The following LIMS1 variants were observed in gnomAD, a reference collection of about 807,000 sequenced individuals.
LIMS1 encodes the protein LIM zinc finger domain containing 1.
Under a neutral mutation model 44.1 loss-of-function variants are expected in LIMS1, and 18 were observed. The ratio of observed to expected loss-of-function variants is 0.41; its 90% CI spans 0.28 to 0.61. LIMS1 has a LOEUF of 0.61. Among genes scored for constraint, LIMS1 ranks in the 20% least tolerant of loss-of-function variants. LIMS1 has a pLI of 0.32. For synonymous variants in LIMS1, 93 were observed against 149.1 expected (o/e 0.62, Z 2.74); for missense variants, 201 against 422.0 (o/e 0.48, Z 4.59).
rs1035191264 is a variant in LIMS1, at chr2:108,591,414, C to T, written c.32+56820C>T. Reference sequence around the variant, plus strand: ...TGATAGTTTCTTGATGTCAGTAGTTCCGCAAGTTCCCAGAAAAAAGAGGAA... The same window carrying T: ...TGATAGTTTCTTGATGTCAGTAGTTTCGCAAGTTCCCAGAAAAAAGAGGAA... On this transcript the variant is annotated intron_variant, in intron 1 of 9. Coordinates refer to ENST00000544547, the Ensembl canonical transcript of LIMS1. 3.9e-5 allele frequency among the ~76,000 whole-genome samples: 6 copies of T among 152,026 alleles called. No individual in the cohort carries two copies. In the East Asian group the frequency reaches 9.6e-4, roughly 24 times the overall value.
intron 2 of LIMS1, among the ~76,000 whole-genome samples, chr2:108,663,739 T>G (rs1251584774): frequency 1.3e-5 from 2 of 152,056 alleles, no homozygotes; most frequent in Non-Finnish European, 2.9e-5. Flanking sequence ...AGACCCATTT[T>G]TTTAATTTTT....
intron 1 of LIMS1, among the ~76,000 whole-genome samples, chr2:108,557,932 A>G (rs746860304): frequency 1.3e-5 from 2 of 152,248 alleles, no homozygotes; most frequent in Non-Finnish European, 2.9e-5. Flanking sequence ...AATAAGTACA[A>G]TGTTATCTCT....
chr2:108,650,132 T>G (rs1024741525), intron 1 of LIMS1, among the ~76,000 whole-genome samples: 1 of 152,204 alleles, frequency 6.6e-6, no homozygotes, highest in Non-Finnish European at 1.5e-5. Flanking sequence ...CCTACTTCAA[T>G]GGCTATTCTG....
At chr2:108,575,958 A>G (rs1478020885) in intron 1 of LIMS1, among the ~76,000 whole-genome samples, 1 of 152,206 alleles carries the variant, frequency 6.6e-6, no homozygotes, top group Non-Finnish European at 1.5e-5. Context: ...GCACCTGATC[A>G]GGAAGCAGGC....
At chr2:108,563,611 C>T (rs1447034167) in intron 1 of LIMS1, among the ~76,000 whole-genome samples, 1 of 152,170 alleles carries the variant, frequency 6.6e-6, no homozygotes, top group Non-Finnish European at 1.5e-5. Flanking sequence ...TGAGGGGTTG[C>T]TTCTTATGGA....
intron 1 of LIMS1, among the ~76,000 whole-genome samples, chr2:108,630,285 G>A (rs1015503451): frequency 6.6e-6 from 1 of 151,820 alleles, no homozygotes; most frequent in Non-Finnish European, 1.5e-5. Context: ...TGAAATTCAG[G>A]CATCCCTGTA....
intron 2 of LIMS1, among the ~76,000 whole-genome samples, chr2:108,667,929 A>G (rs1222181187): frequency 2.0e-5 from 3 of 152,146 alleles, no homozygotes; most frequent in East Asian, 3.9e-4. Context: ...TTAAATTTGT[A>G]TTATTTTTAT....
At chr2:108,621,561 T>C (rs143129015) in intron 1 of LIMS1, 17 of 827,974 alleles carry the variant, frequency 2.1e-5, no homozygotes, top group Admixed American at 4.1e-5. Context: ...GAAGTACTCA[T>C]TGAAAAGTAG....
chr2:108,571,259 C>T (rs888972100), intron 1 of LIMS1, among the ~76,000 whole-genome samples: 4 of 152,092 alleles, frequency 2.6e-5, no homozygotes, highest in Admixed American at 1.3e-4. Context: ...TTGAGGTTAT[C>T]TGGAGGGAGA....
chr2:108,641,915 C>A (rs76292925), intron 1 of LIMS1, among the ~76,000 whole-genome samples: 3,820 of 152,272 alleles, frequency 0.025, 102 homozygotes, highest in African/African-American at 0.064. Flanking sequence ...ATTATCTTTA[C>A]TTGCATGTCA....
At chr2:108,673,737 T>C (rs1233741536) in intron 5 of LIMS1, 1 of 152,192 alleles carries the variant, frequency 6.6e-6, no homozygotes, top group Non-Finnish European at 1.5e-5. Flanking sequence ...AATAATCTTA[T>C]AATATCAACT....
At chr2:108,674,614 G>A (rs1049390709) in intron 5 of LIMS1, among the ~76,000 whole-genome samples, 9 of 147,836 alleles carry the variant, frequency 6.1e-5, no homozygotes, top group African/African-American at 1.0e-4. Flanking sequence ...CCAGCTACTC[G>A]GGAGGCTGAG....
intron 1 of LIMS1, among the ~76,000 whole-genome samples, chr2:108,604,991 A>C (rs780808917): frequency 6.6e-6 from 1 of 152,166 alleles, no homozygotes; most frequent in Non-Finnish European, 1.5e-5. Flanking sequence ...CTCCCTCTTG[A>C]GAATCTGGAA....
At chr2:108,611,747 C>T (rs563780576) in intron 1 of LIMS1, among the ~76,000 whole-genome samples, 3 of 150,664 alleles carry the variant, frequency 2.0e-5, no homozygotes, top group South Asian at 4.2e-4. Flanking sequence ...GGCGTGGTGG[C>T]ATGAGCCTGT....
chr2:108,545,682 C>G (rs560707701), intron 1 of LIMS1, among the ~76,000 whole-genome samples: 13 of 152,272 alleles, frequency 8.5e-5, no homozygotes, highest in Admixed American at 2.6e-4. Context: ...CTTGTTTGAT[C>G]TTAAGGGCTC....
At chr2:108,674,670 T>A (rs1486829276) in intron 5 of LIMS1, among the ~76,000 whole-genome samples, 1 of 122,052 alleles carries the variant, frequency 8.2e-6, no homozygotes. Flanking sequence ...GCAGTGAGTG[T>A]GGATCGCGCC....
chr2:108,551,728 T>C (rs955644025), intron 1 of LIMS1, among the ~76,000 whole-genome samples: 3 of 146,294 alleles, frequency 2.1e-5, no homozygotes, highest in African/African-American at 7.5e-5. Flanking sequence ...ATATGTATAA[T>C]GTATATGATA....
intron 2 of LIMS1, among the ~76,000 whole-genome samples, chr2:108,665,087 A>G (rs1691656470): frequency 6.6e-6 from 1 of 152,210 alleles, no homozygotes; most frequent in African/African-American, 2.4e-5. Flanking sequence ...CATTAAGTAG[A>G]AGCTTGGCTT....
At chr2:108,604,329 C>A (rs1351031758) in intron 1 of LIMS1, among the ~76,000 whole-genome samples, 1 of 152,152 alleles carries the variant, frequency 6.6e-6, no homozygotes, top group African/African-American at 2.4e-5. Context: ...ACATTTACTT[C>A]TTTACTATTG....
Sources: allele counts gnomAD v4.1 joint callset (sites outside exome capture counted in the v4.1 genomes callset), GRCh38; gene constraint gnomAD v4.1.1; transcripts MANE v1.5; gene names NCBI Gene and HGNC (gene_info 2026-07-23, HGNC 2026-07-21).